The following SOX6 variants were observed in gnomAD, a reference collection of about 807,000 sequenced individuals.
SOX6 encodes the protein transcription factor SOX-6.
In SOX6, 11 loss-of-function variants were observed where a neutral mutation model predicts 97.8. The observed-to-expected ratio is 0.11, with a 90% CI of 0.07 to 0.19. The LOEUF (loss-of-function observed/expected upper bound fraction) is 0.19, where lower values mean the gene tolerates loss of function less well. Among genes scored for constraint, SOX6 ranks in the 10% least tolerant of loss-of-function variants. SOX6 has a pLI of 1.00. For synonymous variants in SOX6, 360 were observed against 371.4 expected (o/e 0.97, Z 0.35); for missense variants, 810 against 1,039.5 (o/e 0.78, Z 3.04).
intron 4 of SOX6, among the ~76,000 whole-genome samples, chr11:16,609,394 T>C (rs1350466084): frequency 6.6e-6 from 1 of 152,186 alleles, no homozygotes; most frequent in Non-Finnish European, 1.5e-5. Flanking sequence ...CCTTACTGTA[T>C]AGAAACTCAT....
chr11:16,633,900 C>G (rs746109063), intron 3 of SOX6, among the ~76,000 whole-genome samples: 1 of 152,172 alleles, frequency 6.6e-6, no homozygotes, highest in African/African-American at 2.4e-5. Context: ...ATAAAAACAT[C>G]AGCTTCATTT....
chr11:16,621,136 G>C (rs2133988772), intron 3 of SOX6, among the ~76,000 whole-genome samples: 1 of 151,936 alleles, frequency 6.6e-6, no homozygotes, highest in South Asian at 2.1e-4. Context: ...ACTTGTTTTT[G>C]GTCTGTTTGT....
chr11:16,710,677 T>C (rs1301997044), intron 3 of SOX6, among the ~76,000 whole-genome samples: 8 of 152,232 alleles, frequency 5.3e-5, no homozygotes, highest in African/African-American at 1.9e-4. Context: ...CAGAGCCATC[T>C]GAAATCTATC....
intron 14 of SOX6, among the ~76,000 whole-genome samples, chr11:15,987,002 T>A (rs1275982036): frequency 6.6e-6 from 1 of 152,234 alleles, no homozygotes; most frequent in Non-Finnish European, 1.5e-5. Context: ...ATTGGAATTA[T>A]ATATACCATT....
intron 3 of SOX6, among the ~76,000 whole-genome samples, chr11:16,306,981 C>T (rs2134283225): frequency 6.6e-6 from 1 of 152,240 alleles, no homozygotes; most frequent in African/African-American, 2.4e-5. Context: ...AACAGAACTC[C>T]AGGAACCAAA....
In SOX6 at chr11:16,164,526, G is replaced by A. The variant is rs184777084; in HGVS notation, c.777+19360C>T. Among the ~76,000 whole-genome samples the A allele has an allele frequency of 1.4e-3, 211 of 152,210 alleles. 3 individuals are homozygous for A. The highest frequency in any genetic ancestry group is 0.011 in the Admixed American group (165 of 15,282). On this transcript the variant is annotated intron_variant, in intron 6 of 15. Transcript: ENST00000683767. ...GACATTTTGTCTCTCTGGCTCCTTT[G>A]AAAGTTCATGGAGAGGGCCGGGCAC... is the stretch of plus-strand genomic sequence containing the variant.
chr11:16,712,569 T>C (rs1380872418), intron 3 of SOX6, among the ~76,000 whole-genome samples: 2 of 152,212 alleles, frequency 1.3e-5, no homozygotes, highest in Non-Finnish European at 2.9e-5. Flanking sequence ...TGTCTATTCA[T>C]GTCCTTAGTT....
rs571398496 is a variant in SOX6, at chr11:16,166,858, T to C, written c.777+17028A>G. On this transcript the variant is annotated intron_variant, in intron 6 of 15. Coordinates refer to ENST00000683767, the MANE Select transcript of SOX6 (RefSeq NM_001367873.1). The stretch of plus-strand genomic sequence containing the variant: ...TTTGGAGATGTGAAAGTATGAGTCG[T>C]GTTCTGAAAATTATACACAGACAAG... Among the ~76,000 whole-genome samples the C allele has an allele frequency of 8.5e-5, 13 of 152,280 alleles. No homozygotes were observed. In the East Asian group the frequency reaches 2.5e-3, roughly 30 times the overall value.
chr11:16,291,709 G>A (rs1298767116), intron 3 of SOX6, among the ~76,000 whole-genome samples: 1 of 152,048 alleles, frequency 6.6e-6, no homozygotes, highest in African/African-American at 2.4e-5. Flanking sequence ...GCTATTGTGA[G>A]GCATGTGCGT....
intron 9 of SOX6, among the ~76,000 whole-genome samples, chr11:16,094,257 G>A (rs1369946446): frequency 6.8e-6 from 1 of 148,034 alleles, no homozygotes; most frequent in Non-Finnish European, 1.5e-5. Flanking sequence ...ATGGTTTCCA[G>A]AAACCCAACA....
intron 3 of SOX6, among the ~76,000 whole-genome samples, chr11:16,642,224 GA>G (rs1848928662): frequency 6.6e-6 from 1 of 152,144 alleles, no homozygotes; most frequent in Non-Finnish European, 1.5e-5. Flanking sequence ...TAAGAATGTT[GA>G]ATATTGGCCC....
At chr11:16,462,095 A>G (rs1282575388) in intron 1 of SOX6, among the ~76,000 whole-genome samples, 1 of 152,238 alleles carries the variant, frequency 6.6e-6, no homozygotes, top group Non-Finnish European at 1.5e-5. Flanking sequence ...TTTGCTACCA[A>G]AAAAGGATTT....
chr11:16,072,200 T>C (rs575077403), intron 9 of SOX6, among the ~76,000 whole-genome samples: 27 of 152,054 alleles, frequency 1.8e-4, no homozygotes, highest in Non-Finnish European at 3.7e-4. Flanking sequence ...CTAAGGAATA[T>C]AATAAAATGA....
At chr11:16,734,396 T>TCA (rs1340116960) in intron 2 of SOX6, among the ~76,000 whole-genome samples, 1 of 152,234 alleles carries the variant, frequency 6.6e-6, no homozygotes, top group African/African-American at 2.4e-5. Flanking sequence ...AATGCATTTT[T>TCA]CACATTTTTT....
chr11:16,454,188 A>AT (rs926708985), intron 1 of SOX6, among the ~76,000 whole-genome samples: 3 of 152,054 alleles, frequency 2.0e-5, no homozygotes, highest in Non-Finnish European at 2.9e-5. Context: ...GAGTACGATT[A>AT]TTTTTTAGCT....
chr11:16,261,216 C>G (rs896386274), intron 3 of SOX6, among the ~76,000 whole-genome samples: 1 of 152,068 alleles, frequency 6.6e-6, no homozygotes, highest in Non-Finnish European at 1.5e-5. Context: ...ACTACTATAT[C>G]GTTATCAGGC....
chr11:16,367,797 T>A (rs550822706), intron 1 of SOX6, among the ~76,000 whole-genome samples: 1 of 152,194 alleles, frequency 6.6e-6, no homozygotes, highest in South Asian at 2.1e-4. Flanking sequence ...GAAACTGTTA[T>A]CTGGCACCTT....
chr11:15,985,684 T>C (rs567413162), intron 15 of SOX6, among the ~76,000 whole-genome samples: 6 of 152,298 alleles, frequency 3.9e-5, no homozygotes, highest in Admixed American at 2.6e-4. Flanking sequence ...AAAATACACA[T>C]TGTTACTGCT....
At chr11:16,496,382 C>T (rs933666385) in intron 4 of SOX6, among the ~76,000 whole-genome samples, 3 of 151,680 alleles carry the variant, frequency 2.0e-5, no homozygotes, top group African/African-American at 7.3e-5. Flanking sequence ...TCTACAGCTC[C>T]CAGCGTGAGA....
Sources: gnomAD v4.1 joint callset for allele counts (sites outside exome capture counted in the v4.1 genomes callset) on GRCh38, gnomAD v4.1.1 for gene constraint, MANE v1.5 for transcripts, NCBI Gene and HGNC (gene_info 2026-07-23, HGNC 2026-07-21) for gene names.